CDH20: variants seen among roughly 807,000 people sequenced by gnomAD.
The protein encoded by CDH20 is cadherin-20.
CDH20 carries 29 observed loss-of-function variants against 74.2 expected under a neutral mutation model. The observed-to-expected ratio is 0.39, with a 90% confidence interval of 0.29 to 0.53. The LOEUF (loss-of-function observed/expected upper bound fraction) is 0.53, where lower values mean the gene tolerates loss of function less well. Ranked by LOEUF, CDH20 falls within the 20% of genes least tolerant of loss-of-function variation. The pLI is 0.69. For missense variants in CDH20, 988 were observed against 1,048.3 expected, an observed-to-expected ratio of 0.94 and a Z score of 0.79; for synonymous variants, 469 against 405.4, an observed-to-expected ratio of 1.16 and a Z score of -1.88.
intron 1 of CDH20, among the ~76,000 whole-genome samples, chr18:61,441,393 T>C (rs989202627): frequency 3.9e-4 from 60 of 152,318 alleles, no homozygotes; most frequent in African/African-American, 1.4e-3. Context: ...AAGTGAAACA[T>C]ATTTATGTCT....
chr18:61,364,453 C>G (rs1248528708), intron 1 of CDH20, among the ~76,000 whole-genome samples: 1 of 152,188 alleles, frequency 6.6e-6, no homozygotes, highest in Admixed American at 6.5e-5. Flanking sequence ...GCTGGAATTA[C>G]AGGCATGCGC....
intron 5 of CDH20, among the ~76,000 whole-genome samples, chr18:61,503,855 T>C (rs1224464951): frequency 1.3e-5 from 2 of 152,168 alleles, no homozygotes; most frequent in African/African-American, 4.8e-5. Context: ...CTAAAGAATA[T>C]AACAGGTTTA....
intron 10 of CDH20, among the ~76,000 whole-genome samples, chr18:61,549,071 A>C (rs1267100580): frequency 6.6e-6 from 1 of 152,224 alleles, no homozygotes; most frequent in Non-Finnish European, 1.5e-5. Context: ...GTCCTACTAC[A>C]TCTCTCAAAT....
chr18:61,462,643 AAGGAAAC>A (rs1444749067), intron 1 of CDH20, among the ~76,000 whole-genome samples: 1 of 151,206 alleles, frequency 6.6e-6, no homozygotes, highest in Non-Finnish European at 1.5e-5. Flanking sequence ...ACTTCACCAA[AAGGAAAC>A]AGAAATCAAA....
At chr18:61,343,421 T>G (rs1323099475) in intron 1 of CDH20, among the ~76,000 whole-genome samples, 1 of 152,144 alleles carries the variant, frequency 6.6e-6, no homozygotes, top group Non-Finnish European at 1.5e-5. Flanking sequence ...CATGTGCCAG[T>G]GAGAAAAGCA....
At chr18:61,362,486 A>C (rs377756139) in intron 1 of CDH20, among the ~76,000 whole-genome samples, 1 of 152,188 alleles carries the variant, frequency 6.6e-6, no homozygotes, top group Non-Finnish European at 1.5e-5. Flanking sequence ...TGAGGATACA[A>C]ACAAACAAAA....
At chr18:61,467,727 T>G (rs979744500) in intron 1 of CDH20, among the ~76,000 whole-genome samples, 10 of 152,188 alleles carry the variant, frequency 6.6e-5, no homozygotes, top group African/African-American at 1.4e-4. Flanking sequence ...CACAAGAGGA[T>G]TTCATGCTTA....
At chr18:61,496,162 TCCTCTCCCCCTC>T (rs1272382625) in intron 2 of CDH20, among the ~76,000 whole-genome samples, 1 of 27,462 alleles carries the variant, frequency 3.6e-5, no homozygotes, top group Non-Finnish European at 6.9e-5. Context: ...TCTCCTCCCC[TCCTCTCCCCCTC>T]CCTCTCCCCC....
At chr18:61,473,793 T>C (rs1179053046) in intron 1 of CDH20, among the ~76,000 whole-genome samples, 1 of 152,194 alleles carries the variant, frequency 6.6e-6, no homozygotes, top group Non-Finnish European at 1.5e-5. Flanking sequence ...TTTGCCTTGC[T>C]CCAAGTGCTA....
rs115242068 is a variant in CDH20 at position 61,441,634 on chromosome 18, T to C, written c.-152-48768T>C. ...AATAGTTGTGTGGATAGGGGCCCCA[T>C]ACCTTTGCAAAGGCAACTTAAGTAT... On this transcript the variant is annotated intron_variant, in intron 1 of 11. Coordinates refer to ENST00000262717, the MANE Select transcript of CDH20 (RefSeq NM_031891.4). Among the ~76,000 whole-genome samples, 737 of 152,248 alleles carry C rather than the reference T, an allele frequency of 4.8e-3. 9 individuals carry two copies. The highest frequency in any genetic ancestry group is 0.017 in the African/African-American group (711 of 41,560).
In CDH20 at chr18:61,553,047, G is replaced by C. The variant is rs138338395; in HGVS notation, c.1901-1143G>C. Among the ~76,000 whole-genome samples the C allele has an allele frequency of 4.2e-3, 633 of 152,180 alleles. 5 individuals carry two copies. The highest frequency in any genetic ancestry group is 0.014 in the African/African-American group (594 of 41,520). ...GTATGTTTTGTCACCAAAGCTATCT[G>C]GGAAAATATTACGTATTAATGTCAT... is the stretch of plus-strand genomic sequence containing the variant. On this transcript the variant is annotated intron_variant, in intron 11 of 11. Coordinates refer to ENST00000262717, the MANE Select transcript of CDH20 (RefSeq NM_031891.4).
chr18:61,483,354 G>T (rs1910654295), intron 1 of CDH20, among the ~76,000 whole-genome samples: 2 of 152,128 alleles, frequency 1.3e-5, no homozygotes, highest in South Asian at 2.1e-4. Context: ...AGGCTTTGAG[G>T]CATTGAGAGG....
chr18:61,371,584 T>A (rs918675110), intron 1 of CDH20, among the ~76,000 whole-genome samples: 3 of 152,182 alleles, frequency 2.0e-5, no homozygotes, highest in Non-Finnish European at 2.9e-5. Flanking sequence ...AATGAGGTAT[T>A]TTCTTTCCAA....
chr18:61,407,613 A>G (rs1278848846), intron 1 of CDH20, among the ~76,000 whole-genome samples: 1 of 152,230 alleles, frequency 6.6e-6, no homozygotes, highest in Non-Finnish European at 1.5e-5. Context: ...GATCAAATTT[A>G]TATCTTTACA....
intron 1 of CDH20, among the ~76,000 whole-genome samples, chr18:61,356,109 T>C (rs1018442538): frequency 6.6e-6 from 1 of 152,208 alleles, no homozygotes; most frequent in African/African-American, 2.4e-5. Context: ...ACCCAAGGGT[T>C]CTCCAGCTTT....
At chr18:61,346,069 C>T (rs1035988683) in intron 1 of CDH20, among the ~76,000 whole-genome samples, 1 of 152,176 alleles carries the variant, frequency 6.6e-6, no homozygotes, top group Non-Finnish European at 1.5e-5. Flanking sequence ...ATGTCTAATT[C>T]TGGAAAGCGT....
chr18:61,451,187 T>C (rs766430771), intron 1 of CDH20, among the ~76,000 whole-genome samples: 31 of 152,000 alleles, frequency 2.0e-4, no homozygotes, highest in Non-Finnish European at 2.8e-4. Context: ...TTTTACTTTG[T>C]GGTTCTGCCC....
chr18:61,463,961 A>C (rs1174471689), intron 1 of CDH20, among the ~76,000 whole-genome samples: 1 of 152,104 alleles, frequency 6.6e-6, no homozygotes, highest in African/African-American at 2.4e-5. Flanking sequence ...GCCTGGAAAC[A>C]CCTTGTTAGC....
chr18:61,353,847 C>T lies in CDH20; in HGVS notation c.-153+20020C>T, dbSNP rs546218722. 5.9e-5 allele frequency among the ~76,000 whole-genome samples: 9 copies of T among 152,048 alleles called. No individual in the cohort carries two copies. The highest frequency in any genetic ancestry group is 1.4e-4 in the African/African-American group (6 of 41,486). On this transcript the variant is annotated intron_variant, in intron 1 of 11. Coordinates refer to ENST00000262717, the MANE Select transcript of CDH20 (RefSeq NM_031891.4). The surrounding 1 kb of genome is among the most constrained non-coding windows in gnomAD (Gnocchi z 4.6). Reference sequence around the variant, plus strand: ...CTGTAATCCCAGCATTTTAGGAGGCCGGGGCGGTTGGATTGCCTGAACTCT... The same window carrying T: ...CTGTAATCCCAGCATTTTAGGAGGCTGGGGCGGTTGGATTGCCTGAACTCT...
Sources: allele counts gnomAD v4.1 joint callset (sites outside exome capture counted in the v4.1 genomes callset), GRCh38; gene constraint gnomAD v4.1.1; non-coding constraint Gnocchi (gnomAD v3.1); transcripts MANE v1.5; gene names NCBI Gene and HGNC (gene_info 2026-07-23, HGNC 2026-07-21).